TPO: variants seen among roughly 807,000 people sequenced by gnomAD.
TPO encodes thyroid microsomal antigen.
In TPO, 78 loss-of-function variants were observed where a neutral mutation model predicts 96.9. The ratio of observed to expected loss-of-function variants is 0.81; its 90% CI spans 0.67 to 0.97. The LOEUF (loss-of-function observed/expected upper bound fraction) is 0.97, where lower values mean the gene tolerates loss of function less well. TPO is among the 50% of genes least tolerant of loss of function. The pLI, the probability that TPO is intolerant of heterozygous loss-of-function variation, is 0.00. For synonymous variants in TPO, 547 were observed against 538.0 expected, an observed-to-expected ratio of 1.02 and a Z score of -0.23; for missense variants, 1,252 against 1,274.8, an observed-to-expected ratio of 0.98 and a Z score of 0.27.
intron 2 of TPO, among the ~76,000 whole-genome samples, chr2:1,415,696 TCTTGGG>T (rs1662884365): frequency 6.6e-6 from 1 of 152,150 alleles, no homozygotes; most frequent in African/African-American, 2.4e-5. Flanking sequence ...CTGGACACAG[TCTTGGG>T]GCCATGGCAC....
chr2:1,515,000 T>C (rs1200928052), intron 14 of TPO, among the ~76,000 whole-genome samples: 1 of 152,070 alleles, frequency 6.6e-6, no homozygotes, highest in Admixed American at 6.5e-5. Flanking sequence ...GCTTTGCTGG[T>C]TTTTGAAGTT....
At chr2:1,429,327 C>T (rs1450058698) in intron 3 of TPO, among the ~76,000 whole-genome samples, 1 of 152,174 alleles carries the variant, frequency 6.6e-6, no homozygotes, top group Admixed American at 6.5e-5. Context: ...AGGAGCCATG[C>T]TTATATAGCC....
intron 3 of TPO, among the ~76,000 whole-genome samples, chr2:1,430,336 G>A (rs1447037343): frequency 6.6e-6 from 1 of 152,228 alleles, no homozygotes; most frequent in Non-Finnish European, 1.5e-5. Context: ...CAGGCTCACA[G>A]AATGCAGGAG....
intron 2 of TPO, among the ~76,000 whole-genome samples, chr2:1,415,138 T>C (rs2148403087): frequency 7.0e-6 from 1 of 143,676 alleles, no homozygotes; most frequent in South Asian, 2.3e-4. Flanking sequence ...CCTGGGCCTC[T>C]GGACACAGTC....
At chr2:1,493,719 C>A (rs1672036808) in intron 10 of TPO, 83 bp from the exon 11 acceptor site, 1 of 1,530,228 alleles carries the variant, frequency 6.5e-7, no homozygotes. Flanking sequence ...CGCTTCCAGT[C>A]TCGGGGACCA....
intron 7 of TPO, among the ~76,000 whole-genome samples, chr2:1,460,026 C>A (rs1211587189): frequency 6.6e-6 from 1 of 151,940 alleles, no homozygotes; most frequent in Non-Finnish European, 1.5e-5. Context: ...ACCTCCGCCT[C>A]CCGGATATAA....
chr2:1,514,259 C>T (rs1674456929), intron 14 of TPO, among the ~76,000 whole-genome samples: 1 of 152,190 alleles, frequency 6.6e-6, no homozygotes, highest in South Asian at 2.1e-4. Flanking sequence ...AGGGCCCACC[C>T]ATGTTGGGGA....
chr2:1,523,016 CCCA>C (rs1675522823), intron 15 of TPO, among the ~76,000 whole-genome samples: 1 of 147,566 alleles, frequency 6.8e-6, no homozygotes, highest in Non-Finnish European at 1.5e-5. Flanking sequence ...CCCAGATCCC[CCCA>C]ACTCTGTGCA....
intron 1 of TPO, among the ~76,000 whole-genome samples, chr2:1,381,936 C>A (rs1474429075): frequency 6.6e-6 from 1 of 152,088 alleles, no homozygotes; most frequent in East Asian, 1.9e-4. Flanking sequence ...AGAAATTGTG[C>A]CTGGCAGCAT....
intron 9 of TPO, among the ~76,000 whole-genome samples, chr2:1,487,062 C>T (rs1219127034): frequency 2.0e-5 from 3 of 152,222 alleles, no homozygotes; most frequent in African/African-American, 2.4e-5. Flanking sequence ...CTGAGATAGA[C>T]CGACCCTGAC....
At chr2:1,383,581 C>G (rs1661843522) in intron 1 of TPO, among the ~76,000 whole-genome samples, 1 of 151,980 alleles carries the variant, frequency 6.6e-6, no homozygotes, top group Non-Finnish European at 1.5e-5. Flanking sequence ...TTGTTTTTTT[C>G]TTGCAAATTT....
chr2:1,542,799 G>C lies in TPO; in HGVS notation c.*325G>C. 1.7e-6 allele frequency: 1 copy of C among 571,474 alleles called. No individual in the cohort carries two copies. Among genetic ancestry groups the C allele is most frequent in the Non-Finnish European group, 2.9e-6 (1 of 344,630 alleles). The allele number at this position is 571,474 out of a possible 1,614,324, so 35.4% of individuals were successfully genotyped here. On this transcript the variant is annotated 3_prime_UTR_variant, in exon 17 of 17. Transcript: ENST00000329066. ...CCTGTCTCCACCTTCTGGCATCTCT[G>C]ATGCCGTGCTCGTCTGCACTCTGCC...
At chr2:1,380,189 T>C (rs555603097) in intron 1 of TPO, among the ~76,000 whole-genome samples, 186 of 152,110 alleles carry the variant, frequency 1.2e-3, no homozygotes, top group African/African-American at 4.1e-3. Flanking sequence ...GGTCAGGAGA[T>C]CAAGACCATC....
chr2:1,378,742 C>A lies in TPO; in HGVS notation n.180+4340C>A, dbSNP rs144250750. Among the ~76,000 whole-genome samples the A allele has an allele frequency of 3.9e-5, 6 of 152,316 alleles. No individual in the cohort carries two copies. The East Asian group carries it at 9.7e-4, about 25-fold the overall frequency. ...ATCTGTGGGAATGCCGTGCACCCGG[C>A]AGATGCTGTGTGCACCTGGCGGGGG... On this transcript the variant is annotated intron_variant and non_coding_transcript_variant, in intron 1 of 5. Transcript: ENST00000497517.
chr2:1,524,717 C>T (rs1438746252), intron 15 of TPO, among the ~76,000 whole-genome samples: 3 of 127,576 alleles, frequency 2.4e-5, no homozygotes, highest in East Asian at 2.3e-4. Flanking sequence ...TCCCCACATT[C>T]CCCCCAGTGT....
At chr2:1,491,364 G>A (rs1482719316) in intron 10 of TPO, among the ~76,000 whole-genome samples, 1 of 152,142 alleles carries the variant, frequency 6.6e-6, no homozygotes, top group East Asian at 1.9e-4. Flanking sequence ...AGATGCAAAT[G>A]TGTTTCCTCT....
chr2:1,477,941 G>T, intron 8 of TPO: 1 of 984,932 alleles, frequency 1.0e-6, no homozygotes, highest in South Asian at 4.7e-5. Flanking sequence ...CCCCACAACA[G>T]TGGCAGCCAG....
At chr2:1,383,514 T>G (rs567998667) in intron 1 of TPO, among the ~76,000 whole-genome samples, 1 of 152,254 alleles carries the variant, frequency 6.6e-6, no homozygotes, top group Non-Finnish European at 1.5e-5. Context: ...GTTGGCTGCA[T>G]AAATGTCTTC....
chr2:1,428,337 C>G (rs1664639264), intron 3 of TPO, among the ~76,000 whole-genome samples: 3 of 152,194 alleles, frequency 2.0e-5, no homozygotes, highest in African/African-American at 7.2e-5. Context: ...TCCAGGCTCT[C>G]CTGAACTGAG....
Sources: allele counts gnomAD v4.1 joint callset (sites outside exome capture counted in the v4.1 genomes callset), GRCh38; gene constraint gnomAD v4.1.1; transcripts MANE v1.5; gene names NCBI Gene and HGNC (gene_info 2026-07-23, HGNC 2026-07-21).